GFOD1: variants seen among roughly 807,000 people sequenced by gnomAD.
The protein encoded by GFOD1 is glucose-fructose oxidoreductase domain-containing protein 1.
Under a neutral mutation model 25.4 loss-of-function variants are expected in GFOD1, and 9 were observed. The observed-to-expected ratio is 0.35, with a 90% CI of 0.21 to 0.62. GFOD1 has a LOEUF of 0.62. Among genes scored for constraint, GFOD1 ranks in the 20% least tolerant of loss-of-function variants. GFOD1 has a pLI of 0.72. For missense variants in GFOD1, 403 were observed against 556.9 expected (o/e 0.72, Z 2.78); for synonymous variants, 253 against 245.6 (o/e 1.03, Z -0.28).
intron 1 of GFOD1, among the ~76,000 whole-genome samples, chr6:13,399,811 T>C (rs1170021023): frequency 1.3e-5 from 2 of 152,168 alleles, no homozygotes; most frequent in African/African-American, 4.8e-5. Context: ...TATCTTGAAA[T>C]TGCAGTGGCA....
chr6:13,419,696 G>A (rs1262117573), intron 1 of GFOD1, among the ~76,000 whole-genome samples: 3 of 151,996 alleles, frequency 2.0e-5, no homozygotes, highest in Admixed American at 6.6e-5. Context: ...TCTCCCCCTC[G>A]CTTGTTTCTT....
At chr6:13,454,610 G>A (rs1263790365) in intron 1 of GFOD1, among the ~76,000 whole-genome samples, 1 of 152,090 alleles carries the variant, frequency 6.6e-6, no homozygotes, top group African/African-American at 2.4e-5. Context: ...CATGCTACCC[G>A]CCAGCTCCTC....
intron 1 of GFOD1, among the ~76,000 whole-genome samples, chr6:13,480,018 G>C (rs984216830): frequency 6.6e-6 from 1 of 152,186 alleles, no homozygotes; most frequent in African/African-American, 2.4e-5. Flanking sequence ...GCGTGGCAAT[G>C]CTGGCCAGCA....
intron 1 of GFOD1, among the ~76,000 whole-genome samples, chr6:13,398,493 G>A (rs1785780736): frequency 6.6e-6 from 1 of 152,154 alleles, no homozygotes; most frequent in Non-Finnish European, 1.5e-5. Flanking sequence ...AAATTTACCT[G>A]AATAAAAAAT....
At position 13,359,734 on chromosome 6, in the gene GFOD1, G is replaced by A. The variant is rs1292814226; in HGVS notation, c.*5009C>T. The A allele has an allele frequency of 6.6e-6, 1 of 152,132 alleles. No homozygotes were observed. Among genetic ancestry groups the A allele is most frequent in the African/African-American group, 2.4e-5 (1 of 41,414 alleles). The allele number at this position is 152,132 out of a possible 1,614,324, so 9.4% of individuals were successfully genotyped here. A position where few individuals can be genotyped will look rare whatever the true frequency, so the allele number is the denominator to read the frequency against. ...GAGGTCAAGGCGGGCGGATCACAAG[G>A]TCAGGAGTTCAAGACCAGCCTGACC... On this transcript the variant is annotated 3_prime_UTR_variant, in exon 2 of 2. Transcript: ENST00000379287.
At chr6:13,439,201 T>C (rs1757878111) in intron 1 of GFOD1, among the ~76,000 whole-genome samples, 1 of 151,724 alleles carries the variant, frequency 6.6e-6, no homozygotes, top group Non-Finnish European at 1.5e-5. Flanking sequence ...TAAAAACTTA[T>C]CACAATAAGA....
At chr6:13,462,784 C>G (rs985865478) in intron 1 of GFOD1, among the ~76,000 whole-genome samples, 6 of 152,206 alleles carry the variant, frequency 3.9e-5, no homozygotes, top group Admixed American at 2.0e-4. Context: ...TTACAAACAA[C>G]ACACAACAAA....
At chr6:13,397,133 C>G (rs897784884) in intron 1 of GFOD1, among the ~76,000 whole-genome samples, 8 of 152,050 alleles carry the variant, frequency 5.3e-5, no homozygotes, top group Non-Finnish European at 1.0e-4. Flanking sequence ...AGGAGCAGAC[C>G]CATTGTGGGT....
chr6:13,371,845 CCT>C (rs995961431), intron 1 of GFOD1, among the ~76,000 whole-genome samples: 1 of 152,136 alleles, frequency 6.6e-6, no homozygotes, highest in Non-Finnish European at 1.5e-5. Context: ...AGCTCGCCCC[CCT>C]GAGGGCTCTG....
At chr6:13,392,199 A>T (rs1410819900) in intron 1 of GFOD1, among the ~76,000 whole-genome samples, 1 of 152,008 alleles carries the variant, frequency 6.6e-6, no homozygotes, top group Non-Finnish European at 1.5e-5. Context: ...CACCTCTACT[A>T]AAAAAATATG....
At chr6:13,470,805 G>C (rs907677836) in intron 1 of GFOD1, among the ~76,000 whole-genome samples, 1 of 151,980 alleles carries the variant, frequency 6.6e-6, no homozygotes, top group African/African-American at 2.4e-5. Context: ...ACATTCTGTG[G>C]GCAGCACACT....
At chr6:13,419,218 G>A (rs1786213401) in intron 1 of GFOD1, among the ~76,000 whole-genome samples, 1 of 152,148 alleles carries the variant, frequency 6.6e-6, no homozygotes. Flanking sequence ...CGAGATGGAG[G>A]CAAGGATTAT....
chr6:13,368,882 A>C (rs145089053), intron 1 of GFOD1, among the ~76,000 whole-genome samples: 3 of 152,332 alleles, frequency 2.0e-5, no homozygotes, highest in African/African-American at 7.2e-5. Context: ...ATGATATACA[A>C]AAATGCAACT....
At chr6:13,460,010 T>A (rs1400992067) in intron 1 of GFOD1, among the ~76,000 whole-genome samples, 2 of 152,206 alleles carry the variant, frequency 1.3e-5, no homozygotes, top group East Asian at 3.8e-4. Context: ...GTTGTGTGCC[T>A]GTAATCCCAG....
chr6:13,389,750 C>T (rs554566238), intron 1 of GFOD1, among the ~76,000 whole-genome samples: 1 of 152,214 alleles, frequency 6.6e-6, no homozygotes, highest in African/African-American at 2.4e-5. Flanking sequence ...TACCCTAGAA[C>T]TTAAAGTATA....
chr6:13,388,471 C>A (rs935598585), intron 1 of GFOD1, among the ~76,000 whole-genome samples: 7 of 152,126 alleles, frequency 4.6e-5, no homozygotes, highest in African/African-American at 9.7e-5. Context: ...CATCTACGAC[C>A]ATCTGATCTT....
intron 1 of GFOD1, among the ~76,000 whole-genome samples, chr6:13,461,391 C>G (rs1402171219): frequency 6.6e-6 from 1 of 152,236 alleles, no homozygotes; most frequent in African/African-American, 2.4e-5. Context: ...CAGCCCCACA[C>G]AGACCCTTGC....
intron 1 of GFOD1, among the ~76,000 whole-genome samples, chr6:13,455,303 T>C (rs1424024095): frequency 6.6e-6 from 1 of 152,198 alleles, no homozygotes; most frequent in Non-Finnish European, 1.5e-5. Context: ...TATCACTAAA[T>C]CACCTTGGTA....
At chr6:13,466,933 C>G (rs1222022932) in intron 1 of GFOD1, among the ~76,000 whole-genome samples, 1 of 150,824 alleles carries the variant, frequency 6.6e-6, no homozygotes, top group Non-Finnish European at 1.5e-5. Flanking sequence ...CACACACATA[C>G]ACATATGCAC....
Sources: gnomAD v4.1 joint callset for allele counts (sites outside exome capture counted in the v4.1 genomes callset) on GRCh38, gnomAD v4.1.1 for gene constraint, MANE v1.5 for transcripts, NCBI Gene and HGNC (gene_info 2026-07-23, HGNC 2026-07-21) for gene names.